The following RPS6KA6 variants were observed in gnomAD, a reference collection of about 807,000 sequenced individuals.
RPS6KA6 encodes ribosomal protein S6 kinase A6.
RPS6KA6 carries 27 observed loss-of-function variants against 65.4 expected under a neutral mutation model. The ratio of observed to expected loss-of-function variants is 0.41; its 90% CI spans 0.30 to 0.57. The LOEUF (loss-of-function observed/expected upper bound fraction) is 0.57. Among genes scored for constraint, RPS6KA6 ranks in the 20% least tolerant of loss-of-function variants. RPS6KA6 has a pLI of 0.24. For missense variants in RPS6KA6, 486 were observed against 555.6 expected, an observed-to-expected ratio of 0.87 and a Z score of 1.26; for synonymous variants, 190 against 184.2, an observed-to-expected ratio of 1.03 and a Z score of -0.26.
intron 20 of RPS6KA6, among the ~76,000 whole-genome samples, chrX:84,087,791 C>G (rs746764295): frequency 7.2e-5 from 8 of 111,658 alleles, no homozygotes; most frequent in Non-Finnish European, 1.5e-4. Flanking sequence ...TTTCCGGTAC[C>G]CCAATCAGTT....
At chrX:84,159,078 GTGTA>G (rs1271944406) in intron 2 of RPS6KA6, among the ~76,000 whole-genome samples, 16 of 111,060 alleles carry the variant, frequency 1.4e-4, no homozygotes, top group South Asian at 7.6e-4. Context: ...ATACACATGT[GTGTA>G]TGTGTTTATA....
At chrX:84,138,832 TGTGTG>T (rs2035044871) in intron 6 of RPS6KA6, among the ~76,000 whole-genome samples, 2 of 110,010 alleles carry the variant, frequency 1.8e-5, no homozygotes, top group East Asian at 5.7e-4. Context: ...TGTGTGTGTG[TGTGTG>T]TGTGTACATT....
chrX:84,078,260 A>G (rs1225429330), intron 20 of RPS6KA6, among the ~76,000 whole-genome samples: 1 of 112,283 alleles, frequency 8.9e-6, no homozygotes, highest in African/African-American at 3.2e-5. Flanking sequence ...AAATAGTATC[A>G]CACACCTTTT....
intron 12 of RPS6KA6, among the ~76,000 whole-genome samples, chrX:84,110,032 T>C (rs185617881): frequency 3.1e-4 from 35 of 111,393 alleles, no homozygotes; most frequent in African/African-American, 1.1e-3. Context: ...AGCAGAAGCA[T>C]TACCCATTGG....
intron 2 of RPS6KA6, among the ~76,000 whole-genome samples, chrX:84,157,522 T>C (rs781418369): frequency 1.8e-5 from 2 of 110,932 alleles, no homozygotes; most frequent in South Asian, 7.6e-4. Flanking sequence ...TAGCTGACAT[T>C]TGGGGACTAT....
chrX:84,069,922 G>A (rs891773086), intron 20 of RPS6KA6, among the ~76,000 whole-genome samples: 10 of 111,998 alleles, frequency 8.9e-5, no homozygotes, highest in African/African-American at 3.2e-4. Context: ...AGATGCTGGC[G>A]AGGATGTGGA....
chrX:84,171,825 C>T (rs763068630), intron 1 of RPS6KA6, among the ~76,000 whole-genome samples: 22 of 110,820 alleles, frequency 2.0e-4, no homozygotes, highest in Admixed American at 1.4e-3. Flanking sequence ...ATACTCTCCC[C>T]GCCCTTTTCC....
chrX:84,124,403 A>G (rs1266434180), intron 8 of RPS6KA6, among the ~76,000 whole-genome samples: 1 of 112,239 alleles, frequency 8.9e-6, no homozygotes, highest in Non-Finnish European at 1.9e-5. Flanking sequence ...CAACGAAACT[A>G]AAGATAACGA....
chrX:84,112,571 T>C (rs2034488067), intron 12 of RPS6KA6, among the ~76,000 whole-genome samples: 1 of 111,919 alleles, frequency 8.9e-6, no homozygotes, highest in African/African-American at 3.3e-5. Context: ...CATGAATGAC[T>C]TTTGGGTGAA....
At chrX:84,130,973 C>T (rs966873064) in intron 8 of RPS6KA6, among the ~76,000 whole-genome samples, 8 of 111,893 alleles carry the variant, frequency 7.1e-5, no homozygotes, top group African/African-American at 2.6e-4. Context: ...ATACATACAA[C>T]AAAAGTGATT....
Position 84,172,441 on chromosome X carries a change from T to C in RPS6KA6, c.82-8054A>G, listed in dbSNP as rs769038175. Among the ~76,000 whole-genome samples, 3 of 112,465 alleles carry C rather than the reference T, an allele frequency of 2.7e-5. No homozygotes were observed. The South Asian group carries it at 1.1e-3, about 41-fold the overall frequency. On this transcript the variant is annotated intron_variant, in intron 1 of 21. Coordinates refer to ENST00000262752, the MANE Select transcript of RPS6KA6 (RefSeq NM_014496.5). ...TGGAAAGTAAATCCAGAATATATCCTGGAATTTACTTTTTCAAAATAATTC... is the reference window on the plus strand; with the variant it reads ...TGGAAAGTAAATCCAGAATATATCCCGGAATTTACTTTTTCAAAATAATTC...
At chrX:84,093,575 C>A (rs369562415) in intron 20 of RPS6KA6, among the ~76,000 whole-genome samples, 1 of 111,771 alleles carries the variant, frequency 8.9e-6, no homozygotes, top group East Asian at 2.8e-4. Flanking sequence ...CTAAAAGAGA[C>A]GTAAGAATAA....
At chrX:84,163,499 C>T (rs2035547924) in intron 2 of RPS6KA6, among the ~76,000 whole-genome samples, 1 of 105,322 alleles carries the variant, frequency 9.5e-6, no homozygotes, top group Non-Finnish European at 1.9e-5. Context: ...ATTAGCCGGG[C>T]GCGGTGGCGG....
chrX:84,172,306 G>A (rs988688998), intron 1 of RPS6KA6, among the ~76,000 whole-genome samples: 3 of 111,703 alleles, frequency 2.7e-5, no homozygotes, highest in East Asian at 2.8e-4. Flanking sequence ...GATCCTTGAC[G>A]AATCACCGCA....
In RPS6KA6 at chrX:84,097,857, G is replaced by C; in HGVS notation, c.1777-9C>G. 8.8e-7 allele frequency: 1 copy of C among 1,136,534 alleles called. No individual in the cohort carries two copies. Among genetic ancestry groups the C allele is most frequent in the Non-Finnish European group, 1.2e-6 (1 of 833,031 alleles). The allele number at this position is 1,136,534 out of a possible 1,213,427, so 93.7% of individuals were successfully genotyped here. A position where few individuals can be genotyped will look rare whatever the true frequency, so the allele number is the denominator to read the frequency against. On this transcript the variant is annotated splice_polypyrimidine_tract_variant and intron_variant, in intron 18 of 21. Transcript: ENST00000262752. ...CCCTGTTGCATAAGAACCTAAGAAA[G>C]AAATACTCATTATATGGTGTTACTC...
intron 2 of RPS6KA6, among the ~76,000 whole-genome samples, chrX:84,162,576 T>C (rs1011109024): frequency 4.5e-5 from 5 of 111,936 alleles, no homozygotes; most frequent in Admixed American, 3.8e-4. Flanking sequence ...AAAACTGAAC[T>C]TCCTGACTTA....
At chrX:84,188,217 C>T (rs1391395188), upstream of RPS6KA6, among the ~76,000 whole-genome samples, 3 of 111,965 alleles carry the variant, frequency 2.7e-5, no homozygotes, top group Non-Finnish European at 5.7e-5. Context: ...CACCCCACTT[C>T]CTCGGGTCCC....
rs2035950970 is a variant in RPS6KA6, at chrX:84,188,000, C to T, written c.-101G>A. 1.6e-6 allele frequency: 1 copy of T among 640,830 alleles called. No homozygotes were observed. Among genetic ancestry groups the T allele is most frequent in the Admixed American group, 5.2e-5 (1 of 19,275 alleles). 52.8% of individuals were successfully genotyped at this position (640,830 alleles called of 1,213,427 possible). On this transcript the variant is annotated 5_prime_UTR_variant, in exon 1 of 22. Coordinates refer to ENST00000262752, the MANE Select transcript of RPS6KA6 (RefSeq NM_014496.5). ...CCCGCCGCCGCCGCCGCCGCCGCCG[C>T]CGCCGCCGCGACCCCCAGCCCCGCC...
intron 6 of RPS6KA6, among the ~76,000 whole-genome samples, chrX:84,138,839 G>GTGTGTGTT (rs1220764700): frequency 4.7e-5 from 4 of 84,769 alleles, no homozygotes; most frequent in Non-Finnish European, 9.7e-5. Context: ...GTGTGTGTGT[G>GTGTGTGTT]TGTACATTCT....
Sources: gnomAD v4.1 joint callset for allele counts (sites outside exome capture counted in the v4.1 genomes callset) on GRCh38, gnomAD v4.1.1 for gene constraint, MANE v1.5 for transcripts, NCBI Gene and HGNC (gene_info 2026-07-23, HGNC 2026-07-21) for gene names.